The following ZBTB20 variants were observed in gnomAD, a reference collection of about 807,000 sequenced individuals.
ZBTB20 encodes the protein zinc finger and BTB domain-containing protein 20.
Under a neutral mutation model 56.9 loss-of-function variants are expected in ZBTB20, and 9 were observed. The ratio of observed to expected loss-of-function variants is 0.16; its 90% confidence interval spans 0.10 to 0.28. The LOEUF (loss-of-function observed/expected upper bound fraction) is 0.28. ZBTB20 is among the 10% of genes least tolerant of loss of function. The pLI, the probability that ZBTB20 is intolerant of heterozygous loss-of-function variation, is 1.00. For missense variants in ZBTB20, 655 were observed against 1,003.0 expected (o/e 0.65, Z 4.69); for synonymous variants, 417 against 420.7 (o/e 0.99, Z 0.11).
chr3:115,098,740 T>C (rs911421582), intron 1 of ZBTB20, among the ~76,000 whole-genome samples: 4 of 152,232 alleles, frequency 2.6e-5, no homozygotes, highest in African/African-American at 9.6e-5. Context: ...GGTTTGAACC[T>C]TGAGAATGTG....
intron 3 of ZBTB20, among the ~76,000 whole-genome samples, chr3:114,924,921 A>T (rs1055575994): frequency 6.7e-6 from 1 of 149,568 alleles, no homozygotes; most frequent in African/African-American, 2.5e-5. Context: ...TGTTAATCCT[A>T]CTAATTTATT....
At chr3:114,928,863 A>T (rs1370368167) in intron 3 of ZBTB20, among the ~76,000 whole-genome samples, 1 of 152,238 alleles carries the variant, frequency 6.6e-6, no homozygotes, top group Admixed American at 6.5e-5. Context: ...TTAGAAACAA[A>T]GAAATAAACA....
At chr3:114,928,675 G>A (rs562849520) in intron 3 of ZBTB20, among the ~76,000 whole-genome samples, 1 of 152,318 alleles carries the variant, frequency 6.6e-6, no homozygotes, top group South Asian at 2.1e-4. Flanking sequence ...GAGTTAAGAA[G>A]CTTGTTTACA....
chr3:114,467,190 T>C (rs925656839), intron 7 of ZBTB20, among the ~76,000 whole-genome samples: 5 of 152,284 alleles, frequency 3.3e-5, no homozygotes, highest in African/African-American at 1.2e-4. Flanking sequence ...GAAATGTCCA[T>C]TGAGCAGCAG....
intron 4 of ZBTB20, among the ~76,000 whole-genome samples, chr3:114,823,375 T>C (rs970964138): frequency 2.0e-5 from 3 of 152,132 alleles, no homozygotes; most frequent in Non-Finnish European, 4.4e-5. Flanking sequence ...ACTTCAGCAT[T>C]ATCATTGTCT....
intron 5 of ZBTB20, among the ~76,000 whole-genome samples, chr3:114,765,976 A>C (rs1364909862): frequency 6.6e-6 from 1 of 152,204 alleles, no homozygotes; most frequent in Non-Finnish European, 1.5e-5. Context: ...AAGGAAGATA[A>C]ATATCAACTT....
At chr3:114,423,624 A>C (rs993978247) in intron 7 of ZBTB20, among the ~76,000 whole-genome samples, 1 of 152,256 alleles carries the variant, frequency 6.6e-6, no homozygotes, top group Non-Finnish European at 1.5e-5. Context: ...ACATTTAAAA[A>C]GGGGGTTTAT....
rs139846012 is a variant in ZBTB20 at position 114,441,618 on chromosome 3, C to T, written c.-254-52513G>A. Among the ~76,000 whole-genome samples the T allele has an allele frequency of 2.0e-3, 310 of 152,090 alleles. 2 individuals carry two copies. The highest frequency in any genetic ancestry group is 6.9e-3 in the African/African-American group (288 of 41,492). ...AAAGCGTGTGTTTGGGGACGACGCGCGGTGGAATGAGAAGGGATACAGAGC... is the reference window on the plus strand; with the variant it reads ...AAAGCGTGTGTTTGGGGACGACGCGTGGTGGAATGAGAAGGGATACAGAGC... On this transcript the variant is annotated intron_variant, in intron 7 of 11. Coordinates refer to ENST00000675478, the MANE Select transcript of ZBTB20 (RefSeq NM_001348800.3).
At chr3:114,813,541 A>G (rs538204050) in intron 4 of ZBTB20, among the ~76,000 whole-genome samples, 58 of 152,316 alleles carry the variant, frequency 3.8e-4, no homozygotes, top group African/African-American at 8.2e-4. Flanking sequence ...ACTTGAGTCC[A>G]GGAGTTTGAG....
intron 6 of ZBTB20, among the ~76,000 whole-genome samples, chr3:114,555,268 G>T (rs535209682): frequency 1.3e-5 from 2 of 152,176 alleles, no homozygotes; most frequent in South Asian, 4.1e-4. Context: ...AACTCAAACT[G>T]ATCTTGATTC....
At chr3:114,442,005 C>CA (rs1408259622) in intron 7 of ZBTB20, among the ~76,000 whole-genome samples, 6 of 152,072 alleles carry the variant, frequency 3.9e-5, no homozygotes, top group African/African-American at 1.2e-4. Flanking sequence ...TGAAAAGCTC[C>CA]AAAGCTCGTG....
intron 6 of ZBTB20, among the ~76,000 whole-genome samples, chr3:114,535,249 C>T (rs780963336): frequency 4.6e-5 from 7 of 151,778 alleles, no homozygotes; most frequent in Non-Finnish European, 8.8e-5. Flanking sequence ...GCTAGCCAGA[C>T]TAATCAAGAA....
At chr3:114,456,217 A>ATATATATG (rs201419132) in intron 7 of ZBTB20, among the ~76,000 whole-genome samples, 11 of 151,470 alleles carry the variant, frequency 7.3e-5, no homozygotes, top group African/African-American at 2.7e-4. Context: ...ATATATGGAG[A>ATATATATG]GAGAGAGAGA....
intron 2 of ZBTB20, among the ~76,000 whole-genome samples, chr3:114,980,080 T>C (rs995187596): frequency 2.6e-4 from 40 of 152,136 alleles, no homozygotes; most frequent in African/African-American, 9.1e-4. Context: ...CTAAATACTG[T>C]TTTTAACTCT....
chr3:115,146,225 C>G (rs561112772), intron 1 of ZBTB20, among the ~76,000 whole-genome samples: 43 of 152,266 alleles, frequency 2.8e-4, no homozygotes, highest in South Asian at 2.1e-3. Context: ...CGCTAGGTAC[C>G]GTAGCTGTAC....
In ZBTB20 at chr3:114,375,644, A is replaced by G. The variant is rs576392491; in HGVS notation, c.199+4573T>C. The stretch of plus-strand genomic sequence containing the variant: ...CCGAACCAGATGCTCTAAGATGGCC[A>G]GAAACCTTTGTCTACACCCACTTAG... On this transcript the variant is annotated intron_variant, in intron 10 of 11. Transcript: ENST00000675478. The G allele has an allele frequency of 3.3e-5, 5 of 152,368 alleles. No individual in the cohort carries two copies. The South Asian group carries it at 1.0e-3, about 32-fold the overall frequency. The allele number at this position is 152,368 out of a possible 1,614,324, so 9.4% of individuals were successfully genotyped here. A position where few individuals can be genotyped will look rare whatever the true frequency, so the allele number is the denominator to read the frequency against.
intron 5 of ZBTB20, among the ~76,000 whole-genome samples, chr3:114,731,100 G>A (rs1473697535): frequency 6.6e-6 from 1 of 152,066 alleles, no homozygotes; most frequent in Non-Finnish European, 1.5e-5. Context: ...TCTATTTGTT[G>A]GAGTAACAGA....
chr3:114,760,969 A>T (rs546466243), intron 5 of ZBTB20, among the ~76,000 whole-genome samples: 1 of 152,318 alleles, frequency 6.6e-6, no homozygotes, highest in South Asian at 2.1e-4. Context: ...AAGAGTGCAA[A>T]TGTTAAATGA....
chr3:114,487,837 G>A lies in ZBTB20; in HGVS notation c.-255+12515C>T, dbSNP rs1217760732. 9.9e-5 allele frequency among the ~76,000 whole-genome samples: 15 copies of A among 152,202 alleles called. 1 individual carries two copies. Among genetic ancestry groups the A allele is most frequent in the Non-Finnish European group, 1.5e-4 (10 of 68,034 alleles). ...GTAATACACATGGGAATCAGAGAGC[G>A]GGGAAAGATGGAGGACGTTGATGAC... On this transcript the variant is annotated intron_variant, in intron 7 of 11. Coordinates refer to ENST00000675478, the MANE Select transcript of ZBTB20 (RefSeq NM_001348800.3).
Sources: gnomAD v4.1 joint callset for allele counts (sites outside exome capture counted in the v4.1 genomes callset) on GRCh38, gnomAD v4.1.1 for gene constraint, MANE v1.5 for transcripts, NCBI Gene and HGNC (gene_info 2026-07-23, HGNC 2026-07-21) for gene names.